Variants in CEP63 observed in about 807,000 individuals in gnomAD.
The protein encoded by CEP63 is centrosomal protein of 63 kDa.
CEP63 carries 84 observed loss-of-function variants against 89.1 expected under a neutral mutation model. That is an observed-to-expected ratio of 0.94 (90% CI 0.79 to 1.13). CEP63 has a LOEUF of 1.13. CEP63 is among the 50% of genes most tolerant of loss of function. The probability of loss-of-function intolerance (pLI) is 0.00; values close to 1 mark genes in which losing one functional copy is unlikely to be tolerated. For synonymous variants in CEP63, 267 were observed against 272.5 expected (o/e 0.98, Z 0.20); for missense variants, 838 against 813.3 (o/e 1.03, Z -0.37).
At chr3:134,569,804 A>G (rs1338032204), downstream of CEP63, among the ~76,000 whole-genome samples, 3 of 152,202 alleles carry the variant, frequency 2.0e-5, no homozygotes, top group East Asian at 5.8e-4. Flanking sequence ...CTGCCCTAGC[A>G]GAGGTTCTGC....
intron 12 of CEP63, among the ~76,000 whole-genome samples, chr3:134,555,329 A>G (rs1955905359): frequency 6.6e-6 from 1 of 152,192 alleles, no homozygotes; most frequent in African/African-American, 2.4e-5. Context: ...GAGGAAGTCA[A>G]ATTGTTCCTC....
the CEP63 span, among the ~76,000 whole-genome samples, chr3:134,742,837 G>A: frequency 1.3e-5 from 2 of 152,156 alleles, no homozygotes; most frequent in African/African-American, 4.8e-5. Flanking sequence ...ACAAGATGCT[G>A]GCCCCTTGAT....
intron 1 of CEP63, among the ~76,000 whole-genome samples, chr3:134,494,973 A>G (rs534755777): frequency 8.5e-5 from 13 of 152,206 alleles, no homozygotes; most frequent in Non-Finnish European, 1.5e-4. Flanking sequence ...GAGTTTGTGT[A>G]TCCGTCTGCT....
At chr3:134,607,406 G>C in the CEP63 span, 1 of 985,604 alleles carries the variant, frequency 1.0e-6, no homozygotes. Flanking sequence ...AGCTCCCCAG[G>C]GGCTCTGGGC....
At chr3:134,533,585 T>C (rs979988059) in intron 5 of CEP63, among the ~76,000 whole-genome samples, 1 of 152,168 alleles carries the variant, frequency 6.6e-6, no homozygotes, top group African/African-American at 2.4e-5. Context: ...GTACCAAGAG[T>C]AGATGAAGGA....
At chr3:134,709,348 C>T in the CEP63 span, among the ~76,000 whole-genome samples, 26 of 152,220 alleles carry the variant, frequency 1.7e-4, 1 homozygote, top group African/African-American at 5.8e-4. Context: ...CTGGATGCCA[C>T]TGTGCTTGGA....
chr3:134,565,776 TAAAA>T (rs530861293), downstream of CEP63, among the ~76,000 whole-genome samples: 2 of 130,566 alleles, frequency 1.5e-5, no homozygotes, highest in South Asian at 2.4e-4. Flanking sequence ...GCCCATAAGA[TAAAA>T]AAAAAAAAAA....
intron 1 of CEP63, among the ~76,000 whole-genome samples, chr3:134,492,235 G>A (rs1341375784): frequency 6.6e-6 from 1 of 151,822 alleles, no homozygotes; most frequent in Non-Finnish European, 1.5e-5. Context: ...CACCATGCCC[G>A]GCTAATTTTT....
intron 11 of CEP63, among the ~76,000 whole-genome samples, chr3:134,572,591 C>T (rs747465473): frequency 1.3e-5 from 2 of 152,156 alleles, no homozygotes; most frequent in Non-Finnish European, 2.9e-5. Flanking sequence ...TGATTTCATT[C>T]TTTTCTATGG....
intron 5 of CEP63, among the ~76,000 whole-genome samples, chr3:134,534,208 A>G (rs1950359665): frequency 1.3e-5 from 2 of 152,152 alleles, no homozygotes; most frequent in African/African-American, 4.8e-5. Flanking sequence ...CATAACTTTG[A>G]GGATCTTAGG....
chr3:134,611,200 G>A, the CEP63 span, among the ~76,000 whole-genome samples: 1,509 of 152,330 alleles, frequency 9.9e-3, 28 homozygotes, highest in African/African-American at 0.033. Context: ...GGGTCCTTTT[G>A]ACATTGTGCT....
At chr3:134,525,119 T>A (rs1197873990) in intron 3 of CEP63, among the ~76,000 whole-genome samples, 1 of 152,208 alleles carries the variant, frequency 6.6e-6, no homozygotes, top group Non-Finnish European at 1.5e-5. Context: ...GGATGGTGTA[T>A]GTGTCCACGA....
At chr3:134,495,709 C>T (rs1483272570) in intron 2 of CEP63, among the ~76,000 whole-genome samples, 2 of 152,128 alleles carry the variant, frequency 1.3e-5, no homozygotes, top group African/African-American at 2.4e-5. Flanking sequence ...ATGGTTTGTA[C>T]CCATTAACCA....
At chr3:134,749,705 CAAAAAAAAAAA>C in the CEP63 span, among the ~76,000 whole-genome samples, 17,872 of 49,702 alleles carry the variant, frequency 0.36, 1,851 homozygotes, top group Middle Eastern at 0.54. Context: ...AGGGGTTGTT[CAAAAAAAAAAA>C]AAAAAAAAAA....
At chr3:134,762,215 C>T in the CEP63 span, among the ~76,000 whole-genome samples, 1 of 152,070 alleles carries the variant, frequency 6.6e-6, no homozygotes, top group African/African-American at 2.4e-5. Context: ...AGGTAGTCAG[C>T]CTGAGAGAGG....
At chr3:134,688,384 A>C in the CEP63 span, among the ~76,000 whole-genome samples, 1 of 152,372 alleles carries the variant, frequency 6.6e-6, no homozygotes, top group African/African-American at 2.4e-5. Flanking sequence ...GAGCATAGGC[A>C]GTACCTGCAA....
chr3:134,531,759 A>T, intron 3 of CEP63, 86 bp from the exon 4 acceptor site: 1 of 1,016,968 alleles, frequency 9.8e-7, no homozygotes, highest in East Asian at 2.5e-5. Flanking sequence ...TTACAAATAA[A>T]TACAGAGATT....
At chr3:134,538,849 T>C (rs1347027702) in intron 6 of CEP63, among the ~76,000 whole-genome samples, 1 of 152,090 alleles carries the variant, frequency 6.6e-6, no homozygotes, top group Non-Finnish European at 1.5e-5. Context: ...ATTACTGTTA[T>C]CCTATTTCAT....
At chr3:134,549,362 CT>C (rs1356234686) in intron 10 of CEP63, among the ~76,000 whole-genome samples, 186 bp downstream of exon 10, 2 of 152,120 alleles carry the variant, frequency 1.3e-5, no homozygotes, top group South Asian at 2.1e-4. Flanking sequence ...GGCATCGCCC[CT>C]GATGCCCAAT....
Sources: allele counts gnomAD v4.1 joint callset (sites outside exome capture counted in the v4.1 genomes callset), GRCh38; gene constraint gnomAD v4.1.1; transcripts MANE v1.5; gene names NCBI Gene and HGNC (gene_info 2026-07-23, HGNC 2026-07-21).